The following RYR1 variants were observed in gnomAD, a reference collection of about 807,000 sequenced individuals.
The protein encoded by RYR1 is ryanodine receptor 1.
RYR1 carries 342 observed loss-of-function variants against 583.5 expected under a neutral mutation model. The observed-to-expected ratio is 0.59, with a 90% CI of 0.54 to 0.64. The LOEUF (loss-of-function observed/expected upper bound fraction) is 0.64, where lower values mean the gene tolerates loss of function less well. RYR1 is among the 30% of genes least tolerant of loss of function. The pLI is 0.00. For synonymous variants in RYR1, 2,791 were observed against 2,822.5 expected (o/e 0.99, Z 0.35); for missense variants, 6,032 against 6,917.2 (o/e 0.87, Z 4.54).
intron 95 of RYR1, 54 bp downstream of exon 95, chr19:38,572,324 G>C: frequency 6.7e-7 from 1 of 1,483,136 alleles, no homozygotes; most frequent in Non-Finnish European, 9.2e-7. Context: ...GGTGGGGGTG[G>C]GGGCAGTGCT....
chr19:38,571,585 C>T (rs1380812220), intron 94 of RYR1, among the ~76,000 whole-genome samples: 2 of 152,022 alleles, frequency 1.3e-5, no homozygotes, highest in South Asian at 2.1e-4. Flanking sequence ...TGCAGTGAGC[C>T]GAGATTGCAC....
At chr19:38,562,814 G>A (rs923790689) in intron 90 of RYR1, among the ~76,000 whole-genome samples, 2 of 152,274 alleles carry the variant, frequency 1.3e-5, no homozygotes, top group Non-Finnish European at 2.9e-5. Flanking sequence ...CACACTTTTG[G>A]CATCTTCCCA....
At chr19:38,463,960 G>A in intron 22 of RYR1, 110 bp downstream of exon 22, 1 of 853,404 alleles carries the variant, frequency 1.2e-6, no homozygotes, top group Non-Finnish European at 1.9e-6. Context: ...AGGATGGAGG[G>A]GACAGGGATT....
intron 76 of RYR1, among the ~76,000 whole-genome samples, chr19:38,529,566 G>A (rs573357793): frequency 6.6e-6 from 1 of 152,182 alleles, no homozygotes. Flanking sequence ...CACTTCACAA[G>A]GGCATGTCTG....
chr19:38,512,238 C>A lies in RYR1; in HGVS notation c.9234-7C>A. The A allele has an allele frequency of 1.2e-6, 2 of 1,614,204 alleles. No homozygotes were observed. The highest frequency in any genetic ancestry group is 4.5e-5 in the East Asian group (2 of 44,886). On this transcript the variant is annotated splice_region_variant and splice_polypyrimidine_tract_variant and intron_variant, in intron 62 of 105. Coordinates refer to ENST00000359596, the MANE Select transcript of RYR1 (RefSeq NM_000540.3). This position sits in a 1 kb window ranked among gnomAD's most constrained non-coding sequence, Gnocchi z 5.1. ...CCAGAGCTGATGTTCCCCCGCTGCC[C>A]TTCTAGGACAGTGATGAAGTCAGGC...
intron 78 of RYR1, 90 bp from the exon 79 acceptor site, chr19:38,534,629 TG>T: frequency 9.0e-7 from 1 of 1,109,962 alleles, no homozygotes; most frequent in South Asian, 1.3e-5. Flanking sequence ...TGGATGTGGC[TG>T]GAACAGGGAG....
intron 49 of RYR1, 134 bp downstream of exon 49, chr19:38,503,104 G>T: frequency 1.2e-6 from 1 of 833,338 alleles, no homozygotes; most frequent in Middle Eastern, 2.2e-4. Context: ...CAGCGTCCCC[G>T]TAGAAATCTC....
chr19:38,528,927 C>T (rs963276267), intron 75 of RYR1, 24 bp from the exon 76 acceptor site: 1 of 1,601,480 alleles, frequency 6.2e-7, no homozygotes. Flanking sequence ...AAACCCTCTC[C>T]CCAAGTCTCC....
chr19:38,541,837 C>G (rs1225454280), intron 84 of RYR1, among the ~76,000 whole-genome samples: 1 of 151,968 alleles, frequency 6.6e-6, no homozygotes, highest in Non-Finnish European at 1.5e-5. Flanking sequence ...AATCCCAGCA[C>G]TATGGGAGGT....
chr19:38,528,306 A>C lies in RYR1; in HGVS notation c.10825A>C (p.Thr3609Pro). Residue 3609 changes from threonine to proline, a missense_variant and splice_region_variant, in exon 74 of 106, where the codon ACC becomes CCC. Around this residue, in one of 11 missense-constraint regions of RYR1, gnomAD observed 1,493 missense variants for 1,715.5 expected, o/e 0.87. Coordinates refer to ENST00000359596, the MANE Select transcript of RYR1 (RefSeq NM_000540.3). Reference sequence around the variant, plus strand: ...GACTGTCCTGCTATCCCCTCCCCAGACCGAGCACCCTTACAAGTCTAAGAA... The same window carrying C: ...GACTGTCCTGCTATCCCCTCCCCAGCCCGAGCACCCTTACAAGTCTAAGAA... ...VSAVLYYLDQ[T>P]EHPYKSKKAV... is the part of the protein sequence containing the mutation. 1.2e-6 allele frequency: 2 copies of C among 1,613,860 alleles called. No homozygotes were observed. Among genetic ancestry groups the C allele is most frequent in the Non-Finnish European group, 1.7e-6 (2 of 1,179,930 alleles).
intron 48 of RYR1, 47 bp downstream of exon 48, chr19:38,502,774 C>CAGGGGCAGGGGT (rs1970217506): frequency 1.4e-6 from 1 of 733,696 alleles, no homozygotes; most frequent in African/African-American, 3.9e-5. Context: ...GGGGCAGGGG[C>CAGGGGCAGGGGT]AGGGGCAGGG....
chr19:38,441,102 G>A (rs1972656883), intron 2 of RYR1, among the ~76,000 whole-genome samples: 1 of 151,826 alleles, frequency 6.6e-6, no homozygotes, highest in Non-Finnish European at 1.5e-5. Context: ...AGTGTGGTAG[G>A]CCAGGGCGGG....
At chr19:38,577,175 C>T (rs982766534) in intron 97 of RYR1, among the ~76,000 whole-genome samples, 10 of 152,070 alleles carry the variant, frequency 6.6e-5, no homozygotes, top group Non-Finnish European at 1.3e-4. Context: ...CACGAGCCAC[C>T]GCGCCCAGCC....
chr19:38,499,027 G>A lies in RYR1; in HGVS notation c.6892-81G>A, dbSNP rs1401174440. On this transcript the variant is annotated intron_variant, in intron 42 of 105. Transcript: ENST00000359596. This position sits in a 1 kb window ranked among gnomAD's most constrained non-coding sequence, Gnocchi z 7.3. ...AACCGGACTGAGGAGCCGCAGGGCA[G>A]GGCAGGGCAGGGCAGAGGGCTGAGC... 1.3e-6 allele frequency: 2 copies of A among 1,576,048 alleles called. No individual in the cohort carries two copies. Among genetic ancestry groups the A allele is most frequent in the Non-Finnish European group, 1.7e-6 (2 of 1,157,364 alleles).
chr19:38,492,182 C>A (rs1025891492), intron 37 of RYR1, among the ~76,000 whole-genome samples: 1 of 151,682 alleles, frequency 6.6e-6, no homozygotes, highest in Non-Finnish European at 1.5e-5. Context: ...GGCAACATGG[C>A]AAGACCCCCA....
intron 71 of RYR1, 41 bp from the exon 72 acceptor site, chr19:38,526,952 T>C (rs1292933096): frequency 1.9e-6 from 3 of 1,605,254 alleles, no homozygotes; most frequent in Non-Finnish European, 2.6e-6. Flanking sequence ...GGAAGGAGGA[T>C]GGGACCTCCA....
rs1187195811 is a variant in RYR1, at chr19:38,466,027, T to C, written c.2871-64T>C. On this transcript the variant is annotated intron_variant, in intron 23 of 105. Coordinates refer to ENST00000359596, the MANE Select transcript of RYR1 (RefSeq NM_000540.3). ...CAAGGGTCAGCAGTCAGGGATCCCA[T>C]ATAGTGCAGAGCCCGGAAGTGGAGG... 2.7e-6 allele frequency: 4 copies of C among 1,473,904 alleles called. No individual in the cohort carries two copies. In the African/African-American group the frequency reaches 4.2e-5, roughly 15 times the overall value. The allele number at this position is 1,473,904 out of a possible 1,614,324, so 91.3% of individuals were successfully genotyped here. A position where few individuals can be genotyped will look rare whatever the true frequency, so the allele number is the denominator to read the frequency against.
chr19:38,506,202 G>C, intron 54 of RYR1, 101 bp from the exon 55 acceptor site: 1 of 1,275,210 alleles, frequency 7.8e-7, no homozygotes, highest in Non-Finnish European at 1.1e-6. Flanking sequence ...GCCAGGGGAG[G>C]GTGGAGGGGG....
intron 84 of RYR1, among the ~76,000 whole-genome samples, 160 bp downstream of exon 84, chr19:38,538,120 G>A (rs1456069397): frequency 6.6e-6 from 1 of 152,158 alleles, no homozygotes; most frequent in African/African-American, 2.4e-5. Flanking sequence ...TCTGGAGGCT[G>A]GGCGCAGTGA....
Sources: gnomAD v4.1 joint callset for allele counts (sites outside exome capture counted in the v4.1 genomes callset) on GRCh38, gnomAD v4.1.1 for gene constraint, gnomAD v4.1.1 regional missense constraint, Gnocchi (gnomAD v3.1) non-coding constraint, MANE v1.5 for transcripts, NCBI Gene and HGNC (gene_info 2026-07-23, HGNC 2026-07-21) for gene names.